Variants in PMS1 observed in about 807,000 individuals in gnomAD.
The protein encoded by PMS1 is PMS1 homolog 1, mismatch repair system component.
PMS1 carries 79 observed loss-of-function variants against 93.1 expected under a neutral mutation model. The ratio of observed to expected loss-of-function variants is 0.85; its 90% CI spans 0.71 to 1.02. The LOEUF is 1.02. PMS1 is among the 50% of genes least tolerant of loss of function. The probability of loss-of-function intolerance (pLI) is 0.00; values close to 1 mark genes in which losing one functional copy is unlikely to be tolerated. For missense variants in PMS1, 1,064 were observed against 1,085.3 expected, an observed-to-expected ratio of 0.98 and a Z score of 0.28; for synonymous variants, 335 against 363.4, an observed-to-expected ratio of 0.92 and a Z score of 0.89.
chr2:189,841,407 A>G (rs2053810630), intron 5 of PMS1, among the ~76,000 whole-genome samples: 1 of 152,146 alleles, frequency 6.6e-6, no homozygotes, highest in African/African-American at 2.4e-5. Flanking sequence ...TAGTTGTTAC[A>G]CTATCTCTGC....
At chr2:189,786,677 T>C (rs1173109019) in intron 1 of PMS1, among the ~76,000 whole-genome samples, 1 of 152,312 alleles carries the variant, frequency 6.6e-6, no homozygotes, top group East Asian at 1.9e-4. Context: ...GTAGAGTTGT[T>C]GTGAGGATTA....
chr2:189,852,735 C>T lies in PMS1; in HGVS notation c.780C>T (p.Ile260=), dbSNP rs762568785. The T allele has an allele frequency of 6.3e-7, 1 of 1,593,310 alleles. No individual in the cohort carries two copies. The highest frequency in any genetic ancestry group is 8.6e-7 in the Non-Finnish European group (1 of 1,161,486). ...TTTCAACACCAGAAAGAAGTTTCAT[C>T]TTCATAAACAGTCGACCAGTACATC... ...TSLSTPERSF[I]FINSRPVHQK... is the part of the protein sequence containing the mutation. Residue 260 remains isoleucine (I), a synonymous_variant, in exon 7 of 13, where the codon ATC becomes ATT. Coordinates refer to ENST00000441310, the MANE Select transcript of PMS1 (RefSeq NM_000534.5).
intron 4 of PMS1, 53 bp downstream of exon 4, chr2:189,805,807 T>C: frequency 6.3e-7 from 1 of 1,598,178 alleles, no homozygotes; most frequent in Non-Finnish European, 8.5e-7. Flanking sequence ...GTCTTAATTG[T>C]TGGTTTAAAA....
rs2057328963 is a variant in PMS1, at chr2:189,873,642, A to G, written c.2620A>G (p.Ile874Val). 7 of 1,605,104 alleles carry G rather than the reference A, an allele frequency of 4.4e-6. No individual in the cohort carries two copies. The highest frequency in any genetic ancestry group is 6.0e-6 in the Non-Finnish European group (7 of 1,172,096). Reference protein sequence around the residue: ...EVYECRPRKVISYLEGEAVRL... With the variant: ...EVYECRPRKVVSYLEGEAVRL... ...TTATGAATGTAGACCTCGCAAAGTGATAAGTTATTTAGAGGTACGCATTAT... is the reference window on the plus strand; with the variant it reads ...TTATGAATGTAGACCTCGCAAAGTGGTAAGTTATTTAGAGGTACGCATTAT... Residue 874 changes from isoleucine (I) to valine (V), a missense_variant, in exon 12 of 13, where the codon ATA becomes GTA. Coordinates refer to ENST00000441310, the MANE Select transcript of PMS1 (RefSeq NM_000534.5).
chr2:189,846,887 T>A (rs2054299224), intron 6 of PMS1, among the ~76,000 whole-genome samples: 5 of 150,432 alleles, frequency 3.3e-5, no homozygotes, highest in African/African-American at 9.8e-5. Flanking sequence ...TCTGAGACAG[T>A]CTCTTGCTCT....
At chr2:189,816,220 C>G (rs1029614056) in intron 4 of PMS1, among the ~76,000 whole-genome samples, 35 of 152,156 alleles carry the variant, frequency 2.3e-4, no homozygotes, top group Non-Finnish European at 4.6e-4. Context: ...ATATTATAGT[C>G]ATTTGGTTAG....
chr2:189,856,795 G>A (rs532001552), intron 9 of PMS1, among the ~76,000 whole-genome samples: 20 of 152,208 alleles, frequency 1.3e-4, no homozygotes, highest in Non-Finnish European at 2.8e-4. Flanking sequence ...ACAACAGCAG[G>A]TATCATTCCA....
At chr2:189,868,026 T>G in intron 11 of PMS1, 97 bp downstream of exon 11, 1 of 1,064,328 alleles carries the variant, frequency 9.4e-7, no homozygotes, top group South Asian at 1.3e-5. Context: ...TGGTGGTATA[T>G]TTTTGTCTCA....
intron 2 of PMS1, among the ~76,000 whole-genome samples, chr2:189,795,262 TG>T (rs1469079759): frequency 6.6e-6 from 1 of 152,022 alleles, no homozygotes; most frequent in African/African-American, 2.4e-5. Context: ...AATATTAGGT[TG>T]ATTCCTGCCA....
chr2:189,803,148 T>A (rs993530553), intron 3 of PMS1, among the ~76,000 whole-genome samples: 4 of 152,214 alleles, frequency 2.6e-5, no homozygotes, highest in African/African-American at 4.8e-5. Context: ...GTGTCAGTTT[T>A]CATCTAAAAC....
At chr2:189,785,995 C>T (rs1429456214) in intron 1 of PMS1, among the ~76,000 whole-genome samples, 4 of 152,028 alleles carry the variant, frequency 2.6e-5, no homozygotes, top group East Asian at 1.9e-4. Flanking sequence ...CGTGGTAGTG[C>T]GCTCCTGTAA....
chr2:189,841,353 GAT>G (rs2053806254), intron 5 of PMS1, among the ~76,000 whole-genome samples: 1 of 152,162 alleles, frequency 6.6e-6, no homozygotes, highest in Non-Finnish European at 1.5e-5. Context: ...ATAGGTAAAA[GAT>G]CTTCCTGTTA....
intron 12 of PMS1, among the ~76,000 whole-genome samples, chr2:189,875,955 CAAAAAAAAAAA>C (rs561168809): frequency 2.6e-4 from 12 of 46,182 alleles, no homozygotes; most frequent in African/African-American, 3.2e-4. Context: ...GACTCTGTCT[CAAAAAAAAAAA>C]AAAAAAAAAA....
At position 189,805,725 on chromosome 2, in the gene PMS1, T is replaced by C; in HGVS notation, c.389T>C (p.Leu130Pro). 1 of 1,613,900 alleles carries C rather than the reference T, an allele frequency of 6.2e-7. No individual in the cohort carries two copies. Among genetic ancestry groups the C allele is most frequent in the Non-Finnish European group, 8.5e-7 (1 of 1,179,904 alleles). The change falls in exon 4 of 13, where the codon CTT (leucine) becomes CCT (proline). Residue 130 changes from leucine to proline, a missense_variant. Physicochemically the swap from Leu to Pro is moderately conservative, Grantham distance 98. Transcript: ENST00000441310. ...QYVLDGSGHI[L>P]SQKPSHLGQG... The stretch of plus-strand genomic sequence containing the variant: ...GTTTTAGATGGCAGTGGCCACATAC[T>C]TTCTCAGAAACCTTCACATCTTGGT...
At chr2:189,797,608 T>C (rs1353114437) in intron 3 of PMS1, among the ~76,000 whole-genome samples, 1 of 152,170 alleles carries the variant, frequency 6.6e-6, no homozygotes, top group African/African-American at 2.4e-5. Context: ...ATGTAATCCT[T>C]CATTTGTGCT....
intron 3 of PMS1, among the ~76,000 whole-genome samples, chr2:189,798,267 T>G (rs1223958452): frequency 6.6e-6 from 1 of 152,164 alleles, no homozygotes; most frequent in Admixed American, 6.5e-5. Context: ...CTGGGTTCAG[T>G]TTTTTACTTT....
chr2:189,854,533 T>C lies in PMS1; in HGVS notation c.1261T>C (p.Cys421Arg). 6.2e-7 allele frequency: 1 copy of C among 1,613,658 alleles called. No homozygotes were observed. The highest frequency in any genetic ancestry group is 8.5e-7 in the Non-Finnish European group (1 of 1,179,756). ...TATTGGTGACTTTGGTTATGGTCAT[T>C]GTAGTAGTGAAATTTCTAACATTGA... ...ISIGDFGYGH[C>R]SSEISNIDKN... is the part of the protein sequence containing the mutation. Residue 421 changes from cysteine (C) to arginine (R), a missense_variant, in exon 9 of 13, where the codon TGT becomes CGT. Physicochemically the swap from Cys to Arg is radical, Grantham distance 180. Coordinates refer to ENST00000441310, the MANE Select transcript of PMS1 (RefSeq NM_000534.5).
rs573782587 is a variant in PMS1 at position 189,812,023 on chromosome 2, G to A, written c.419-5994G>A. On this transcript the variant is annotated intron_variant, in intron 4 of 12. Transcript: ENST00000441310. ...AGTTTTTAAATTTAAAATTACAGGC[G>A]GGTGCGGTGGCTCACGCCTGTAATC... 1.5e-3 allele frequency among the ~76,000 whole-genome samples: 231 copies of A among 152,198 alleles called. 3 individuals carry two copies. The South Asian group carries it at 0.021, about 14-fold the overall frequency.
intron 5 of PMS1, among the ~76,000 whole-genome samples, chr2:189,832,932 G>A (rs1410853384): frequency 6.6e-6 from 1 of 152,016 alleles, no homozygotes; most frequent in Non-Finnish European, 1.5e-5. Context: ...ATACAAAATG[G>A]ATACTACTGT....
Sources: allele counts gnomAD v4.1 joint callset (sites outside exome capture counted in the v4.1 genomes callset), GRCh38; gene constraint gnomAD v4.1.1; transcripts MANE v1.5; gene names NCBI Gene and HGNC (gene_info 2026-07-23, HGNC 2026-07-21).